ERO1B: variants seen among roughly 807,000 people sequenced by gnomAD.
ERO1B encodes the protein endoplasmic reticulum oxidoreductase 1 beta.
A neutral mutation model predicts 75.3 loss-of-function variants in ERO1B; 49 were observed. The observed-to-expected ratio is 0.65, with a 90% CI of 0.52 to 0.83. The LOEUF is 0.83. ERO1B is among the 40% of genes least tolerant of loss of function. ERO1B has a pLI of 0.00. For missense variants in ERO1B, 512 were observed against 560.1 expected (o/e 0.91, Z 0.87); for synonymous variants, 191 against 192.9 (o/e 0.99, Z 0.08).
In ERO1B at chr1:236,252,073, T is replaced by C. The variant is rs556233699; in HGVS notation, c.325A>G (p.Ile109Val). The stretch of plus-strand genomic sequence containing the variant: ...ACCTTATTAGAATGCCCAGCTTTTA[T>C]TCCAACCGGAATTTTACTCTTAAAA... Reference protein sequence around the residue: ...PCPESKIPVGIKAGHSNKYLK... With the variant: ...PCPESKIPVGVKAGHSNKYLK... Residue 109 changes from isoleucine to valine, a missense_variant, in exon 4 of 16, where the codon ATA (isoleucine) becomes GTA (valine). Physicochemically the swap from Ile to Val is conservative, Grantham distance 29. Coordinates refer to ENST00000354619, the MANE Select transcript of ERO1B (RefSeq NM_019891.4). The C allele has an allele frequency of 1.4e-5, 22 of 1,602,696 alleles. No homozygotes were observed. The highest frequency in any genetic ancestry group is 1.8e-5 in the Non-Finnish European group (21 of 1,172,422).
At chr1:236,221,621 A>G (rs1444193529) in intron 14 of ERO1B, among the ~76,000 whole-genome samples, 1 of 152,194 alleles carries the variant, frequency 6.6e-6, no homozygotes, top group African/African-American at 2.4e-5. Flanking sequence ...CTATATACAT[A>G]TGTAAAATAC....
chr1:236,243,962 T>C (rs1194330291), intron 5 of ERO1B, among the ~76,000 whole-genome samples: 4 of 152,182 alleles, frequency 2.6e-5, no homozygotes, highest in Non-Finnish European at 5.9e-5. Flanking sequence ...TCCAATGTGG[T>C]ATTCACTGGT....
chr1:236,248,531 AT>A (rs1664940017), intron 5 of ERO1B, among the ~76,000 whole-genome samples: 1 of 152,258 alleles, frequency 6.6e-6, no homozygotes, highest in African/African-American at 2.4e-5. Flanking sequence ...GCTAAGTAAA[AT>A]ATGGGATATT....
At chr1:236,229,422 CAA>C (rs199715484) in intron 10 of ERO1B, among the ~76,000 whole-genome samples, 22 of 112,248 alleles carry the variant, frequency 2.0e-4, no homozygotes, top group South Asian at 5.5e-4. Context: ...GACTCTGACT[CAA>C]AAAAAAAAAA....
rs139911819 is a variant in ERO1B, at chr1:236,276,727, T to G, written c.102+4955A>C. ...GAATAAATTAAATCTAACTCTTGAA[T>G]TTTCTAGAGGGAACAGAAAAAATAG... On this transcript the variant is annotated intron_variant, in intron 1 of 15. Transcript: ENST00000354619. Among the ~76,000 whole-genome samples the G allele has an allele frequency of 4.8e-3, 725 of 152,284 alleles. 10 individuals carry two copies. Among genetic ancestry groups the G allele is most frequent in the East Asian group, 0.043 (222 of 5,174 alleles).
At chr1:236,230,482 G>GCAC (rs1664379261) in intron 9 of ERO1B, among the ~76,000 whole-genome samples, 1 of 151,458 alleles carries the variant, frequency 6.6e-6, no homozygotes, top group Non-Finnish European at 1.5e-5. Context: ...GTATGGAGGT[G>GCAC]CAGGCCTGTA....
intron 2 of ERO1B, among the ~76,000 whole-genome samples, chr1:236,268,955 C>A (rs1366788908): frequency 2.0e-5 from 3 of 151,924 alleles, no homozygotes; most frequent in Non-Finnish European, 4.4e-5. Context: ...TATATTTAGG[C>A]CGGGCACAGT....
At chr1:236,239,865 A>G (rs1572042408) in intron 6 of ERO1B, among the ~76,000 whole-genome samples, 5 of 129,262 alleles carry the variant, frequency 3.9e-5, no homozygotes, top group East Asian at 6.2e-4. Context: ...ATATGTATAT[A>G]TATATGTGTA....
intron 9 of ERO1B, among the ~76,000 whole-genome samples, 194 bp downstream of exon 9, chr1:236,232,634 G>T (rs1366814700): frequency 2.3e-5 from 3 of 129,666 alleles, no homozygotes; most frequent in Non-Finnish European, 4.9e-5. Flanking sequence ...AGGAAAAATG[G>T]TCTTTTTTTT....
chr1:236,244,104 G>A (rs1211518651), intron 5 of ERO1B, among the ~76,000 whole-genome samples: 1 of 152,048 alleles, frequency 6.6e-6, no homozygotes, highest in African/African-American at 2.4e-5. Context: ...AATCAACTTT[G>A]ATCTACATTA....
chr1:236,239,863 A>ATGTG (rs1558510904), intron 6 of ERO1B, among the ~76,000 whole-genome samples: 12 of 130,060 alleles, frequency 9.2e-5, no homozygotes, highest in African/African-American at 3.5e-4. Flanking sequence ...ATATATGTAT[A>ATGTG]TATATATGTG....
intron 2 of ERO1B, among the ~76,000 whole-genome samples, chr1:236,265,856 G>A (rs373071778): frequency 6.6e-6 from 1 of 152,042 alleles, no homozygotes; most frequent in Non-Finnish European, 1.5e-5. Flanking sequence ...TCTTTTCCCT[G>A]GCATGTTCTT....
rs1207888318 is a variant in ERO1B, at chr1:236,217,890, C to T, written c.*626G>A. 6.6e-6 allele frequency: 1 copy of T among 152,064 alleles called. No individual in the cohort carries two copies. Among genetic ancestry groups the T allele is most frequent in the East Asian group, 1.9e-4 (1 of 5,194 alleles). The allele number at this position is 152,064 out of a possible 1,614,324, so 9.4% of individuals were successfully genotyped here. A position where few individuals can be genotyped will look rare whatever the true frequency, so the allele number is the denominator to read the frequency against. ...AGACTGGAAACAGCAACAATTACAG[C>T]AACTAAAAACTGCAAATAAAAACCA... On this transcript the variant is annotated 3_prime_UTR_variant, in exon 16 of 16. Transcript: ENST00000354619.
intron 5 of ERO1B, among the ~76,000 whole-genome samples, chr1:236,246,450 G>A (rs1283223537): frequency 1.3e-5 from 2 of 152,000 alleles, no homozygotes; most frequent in African/African-American, 4.8e-5. Context: ...GGGATTACAG[G>A]CATGAGCCAC....
chr1:236,229,655 C>T (rs1406270294), intron 10 of ERO1B, among the ~76,000 whole-genome samples: 1 of 152,004 alleles, frequency 6.6e-6, no homozygotes, highest in African/African-American at 2.4e-5. Context: ...CAGTTATTAA[C>T]CTGAGTTATT....
In ERO1B at chr1:236,252,054, T is replaced by C; in HGVS notation, c.344A>G (p.Asn115Ser). 1 of 1,600,832 alleles carries C rather than the reference T, an allele frequency of 6.2e-7. No individual in the cohort carries two copies. Residue 115 changes from asparagine to serine, a missense_variant, in exon 4 of 16, where the codon AAT (asparagine) becomes AGT (serine). By Grantham distance (46) the Asn-to-Ser change is conservative. Coordinates refer to ENST00000354619, the MANE Select transcript of ERO1B (RefSeq NM_019891.4). ...IPVGIKAGHS[N>S]KYLKMANNTK... Reference sequence around the variant, plus strand: ...CAAGGAAGAGGAGGGACTTACCTTATTAGAATGCCCAGCTTTTATTCCAAC... The same window carrying C: ...CAAGGAAGAGGAGGGACTTACCTTACTAGAATGCCCAGCTTTTATTCCAAC...
chr1:236,243,649 C>CA (rs2102950448), intron 5 of ERO1B, among the ~76,000 whole-genome samples, 154 bp from the exon 6 acceptor site: 1 of 151,908 alleles, frequency 6.6e-6, no homozygotes, highest in Non-Finnish European at 1.5e-5. Flanking sequence ...GAAGGGATGA[C>CA]AAAAAACAAG....
chr1:236,232,466 T>C (rs1664431810), intron 9 of ERO1B, among the ~76,000 whole-genome samples: 1 of 152,152 alleles, frequency 6.6e-6, no homozygotes, highest in Non-Finnish European at 1.5e-5. Flanking sequence ...GGTTAGAAAT[T>C]TCAGTCAATA....
intron 13 of ERO1B, among the ~76,000 whole-genome samples, chr1:236,222,362 C>T (rs1664172001): frequency 6.6e-6 from 1 of 152,218 alleles, no homozygotes; most frequent in Admixed American, 6.5e-5. Flanking sequence ...ATCTGCCCAC[C>T]TCGACCTCCC....
Sources: allele counts gnomAD v4.1 joint callset (sites outside exome capture counted in the v4.1 genomes callset), GRCh38; gene constraint gnomAD v4.1.1; transcripts MANE v1.5; gene names NCBI Gene and HGNC (gene_info 2026-07-23, HGNC 2026-07-21).